DIP2C: variants seen among roughly 807,000 people sequenced by gnomAD.
The protein encoded by DIP2C is DIP2 acetate--CoA ligase C (putative).
DIP2C carries 33 observed loss-of-function variants against 192.4 expected under a neutral mutation model. The ratio of observed to expected loss-of-function variants is 0.17; its 90% CI spans 0.13 to 0.23. The LOEUF is 0.23. Among genes scored for constraint, DIP2C ranks in the 10% least tolerant of loss-of-function variants. DIP2C has a pLI of 1.00. For missense variants in DIP2C, 1,537 were observed against 2,110.1 expected (o/e 0.73, Z 5.32); for synonymous variants, 979 against 864.1 (o/e 1.13, Z -2.33).
intron 1 of DIP2C, among the ~76,000 whole-genome samples, chr10:591,497 A>G (rs528916719): frequency 1.3e-5 from 2 of 152,246 alleles, no homozygotes; most frequent in South Asian, 2.1e-4. Flanking sequence ...TTATATGGCT[A>G]TATTTTTTCC....
At chr10:673,652 C>A (rs954126529) in intron 1 of DIP2C, among the ~76,000 whole-genome samples, 2 of 152,118 alleles carry the variant, frequency 1.3e-5, no homozygotes, top group African/African-American at 4.8e-5. Flanking sequence ...CCCCAGGGAG[C>A]TATTCCTGTA....
chr10:513,589 G>A (rs1380214384), intron 1 of DIP2C, among the ~76,000 whole-genome samples: 1 of 151,286 alleles, frequency 6.6e-6, no homozygotes, highest in Non-Finnish European at 1.5e-5. Flanking sequence ...ACTGCAGCCT[G>A]CAATTCACCC....
intron 31 of DIP2C, among the ~76,000 whole-genome samples, chr10:316,567 T>C (rs1477607503): frequency 6.6e-6 from 1 of 152,168 alleles, no homozygotes; most frequent in African/African-American, 2.4e-5. Flanking sequence ...TCATCCCACC[T>C]CCATTGTTGA....
At chr10:627,864 A>G (rs557869619) in intron 1 of DIP2C, among the ~76,000 whole-genome samples, 5 of 152,336 alleles carry the variant, frequency 3.3e-5, no homozygotes, top group African/African-American at 9.6e-5. Context: ...TCAGCCTCGA[A>G]CAGACCACGC....
At chr10:511,753 TAGAG>T (rs1374777993) in intron 1 of DIP2C, among the ~76,000 whole-genome samples, 6 of 152,136 alleles carry the variant, frequency 3.9e-5, no homozygotes, top group Non-Finnish European at 8.8e-5. Flanking sequence ...GAACAGGAGC[TAGAG>T]AGAGACACAG....
At chr10:480,489 G>GC (rs1208036379) in intron 2 of DIP2C, among the ~76,000 whole-genome samples, 3 of 152,230 alleles carry the variant, frequency 2.0e-5, no homozygotes, top group Non-Finnish European at 4.4e-5. Flanking sequence ...TCATCTACCA[G>GC]CCCGAGCTCC....
At chr10:513,691 T>C (rs1340490777) in intron 1 of DIP2C, among the ~76,000 whole-genome samples, 1 of 151,330 alleles carries the variant, frequency 6.6e-6, no homozygotes, top group Non-Finnish European at 1.5e-5. Flanking sequence ...CCCCACCCCA[T>C]GTCCAGCCTG....
At chr10:415,936 A>G (rs553596369) in intron 6 of DIP2C, 48 bp from the exon 7 acceptor site, 7 of 1,611,464 alleles carry the variant, frequency 4.3e-6, no homozygotes, top group Middle Eastern at 3.3e-4. Context: ...TCACAGCTTC[A>G]ATGAGCACCC....
At chr10:634,659 G>A (rs921493065) in intron 1 of DIP2C, among the ~76,000 whole-genome samples, 1 of 151,982 alleles carries the variant, frequency 6.6e-6, no homozygotes, top group African/African-American at 2.4e-5. Context: ...GCTGAGGCAG[G>A]AGAATTGTTT....
chr10:420,445 G>A (rs754204282), intron 5 of DIP2C, among the ~76,000 whole-genome samples: 14 of 152,198 alleles, frequency 9.2e-5, no homozygotes, highest in East Asian at 1.9e-4. Context: ...CACACCGCCC[G>A]TCAGTGCCAC....
chr10:409,102 C>A, intron 8 of DIP2C, 85 bp from the exon 9 acceptor site: 2 of 1,400,178 alleles, frequency 1.4e-6, no homozygotes, highest in East Asian at 4.6e-5. Flanking sequence ...GGACATGAGT[C>A]CATTCTGCTT....
intron 1 of DIP2C, among the ~76,000 whole-genome samples, chr10:508,772 G>A (rs936255874): frequency 6.6e-6 from 1 of 152,148 alleles, no homozygotes; most frequent in Non-Finnish European, 1.5e-5. Context: ...CAACTGTACC[G>A]CACATACAGG....
chr10:414,908 T>TATATA (rs1564680658), intron 7 of DIP2C, among the ~76,000 whole-genome samples: 1 of 65,166 alleles, frequency 1.5e-5, no homozygotes, highest in Non-Finnish European at 3.2e-5. Context: ...ATATATATAT[T>TATATA]TTTTTTTTTT....
At chr10:610,067 G>C (rs1302671683) in intron 1 of DIP2C, among the ~76,000 whole-genome samples, 1 of 152,304 alleles carries the variant, frequency 6.6e-6, no homozygotes, top group Admixed American at 6.5e-5. Context: ...CCAAGATCCG[G>C]AATCACCTGA....
rs200425093 is a variant in DIP2C, at chr10:339,689, GA to G, written c.3584+1509del. Among the ~76,000 whole-genome samples the G allele has an allele frequency of 1.9e-3, 288 of 151,392 alleles. 1 individual carries two copies. The highest frequency in any genetic ancestry group is 6.4e-3 in the African/African-American group (265 of 41,308). On this transcript the variant is annotated intron_variant, in intron 29 of 36. Transcript: ENST00000280886. ...GGCCATGTTCTGAGCGATTTTCCAA[GA>G]AAAAAAAATTTACTCACAATGTTAT... is the stretch of plus-strand genomic sequence containing the variant.
intron 1 of DIP2C, among the ~76,000 whole-genome samples, chr10:627,767 A>C (rs1315528241): frequency 6.6e-6 from 1 of 152,272 alleles, no homozygotes; most frequent in East Asian, 1.9e-4. Context: ...CAGACGTCAC[A>C]AACAGACCGC....
intron 1 of DIP2C, among the ~76,000 whole-genome samples, chr10:554,146 C>T (rs140893960): frequency 6.6e-6 from 1 of 150,614 alleles, no homozygotes; most frequent in African/African-American, 2.4e-5. Flanking sequence ...AGAAAAGGTA[C>T]AGCTTGTAAC....
chr10:329,835 G>T (rs1468125368), intron 29 of DIP2C, among the ~76,000 whole-genome samples: 1 of 152,132 alleles, frequency 6.6e-6, no homozygotes. Flanking sequence ...CTACCACTTT[G>T]AACACACATT....
intron 32 of DIP2C, among the ~76,000 whole-genome samples, chr10:302,363 A>C (rs775220988): frequency 2.0e-5 from 3 of 152,150 alleles, no homozygotes; most frequent in Non-Finnish European, 4.4e-5. Context: ...GAGGCCAGAC[A>C]ATGGGTCCTG....
Sources: allele counts gnomAD v4.1 joint callset (sites outside exome capture counted in the v4.1 genomes callset), GRCh38; gene constraint gnomAD v4.1.1; transcripts MANE v1.5; gene names NCBI Gene and HGNC (gene_info 2026-07-23, HGNC 2026-07-21).